The following DOCK6 variants were observed in gnomAD, a reference collection of about 807,000 sequenced individuals.
DOCK6 encodes dedicator of cytokinesis 6.
Under a neutral mutation model 230.3 loss-of-function variants are expected in DOCK6, and 167 were observed. That is an observed-to-expected ratio of 0.73 (90% CI 0.64 to 0.82). The LOEUF is 0.82. Ranked by LOEUF, DOCK6 falls within the 40% of genes least tolerant of loss-of-function variation. The pLI, the probability that DOCK6 is intolerant of heterozygous loss-of-function variation, is 0.00. For synonymous variants in DOCK6, 1,148 were observed against 1,185.0 expected, an observed-to-expected ratio of 0.97 and a Z score of 0.64; for missense variants, 2,598 against 2,825.8, an observed-to-expected ratio of 0.92 and a Z score of 1.83.
chr19:11,246,404 G>A (rs1056829828), intron 7 of DOCK6, among the ~76,000 whole-genome samples: 4 of 151,676 alleles, frequency 2.6e-5, no homozygotes, highest in African/African-American at 4.8e-5. Flanking sequence ...TCACGTCCCC[G>A]GCTTGCTGTG....
intron 1 of DOCK6, among the ~76,000 whole-genome samples, chr19:11,254,975 C>A (rs1202576032): frequency 1.3e-5 from 2 of 152,136 alleles, no homozygotes; most frequent in Non-Finnish European, 2.9e-5. Flanking sequence ...GTGTGTCCCC[C>A]AAAGAGGGCC....
Position 11,243,593 on chromosome 19 carries a change from C to A in DOCK6, c.1222G>T (p.Ala408Ser), listed in dbSNP as rs752950875. Residue 408 changes from alanine to serine, a missense_variant, in exon 11 of 48, where the codon GCT (alanine) becomes TCT (serine). Physicochemically the swap from Ala to Ser is moderately conservative, Grantham distance 99. Transcript: ENST00000294618. The surrounding 1 kb of genome is among the most constrained non-coding windows in gnomAD (Gnocchi z 6.3). The stretch of plus-strand genomic sequence containing the variant: ...TCAGAGTCCCGGTCCAGCTGCCCAG[C>A]GCTGCTCACGATGTTGGCCAAGTGC... The part of the protein sequence containing the change: ...AVHLANIVSS[A>S]GQLDRDSDSE... The A allele has an allele frequency of 1.2e-6, 2 of 1,609,650 alleles. No homozygotes were observed.
Position 11,237,592 on chromosome 19 carries a change from G to T in DOCK6, c.1972-35C>A. 2.5e-6 allele frequency: 4 copies of T among 1,578,726 alleles called. No individual in the cohort carries two copies. In the South Asian group the frequency reaches 3.3e-5, roughly 13 times the overall value. ...GGCTGGAGGTCAGGTCTGCGGCCAG[G>T]TTGGGGGACGAGGAGGGCTCAGGGG... On this transcript the variant is annotated intron_variant, in intron 17 of 47. Transcript: ENST00000294618.
chr19:11,199,340 G>C lies in DOCK6; in HGVS notation c.*157C>G. On this transcript the variant is annotated 3_prime_UTR_variant, in exon 48 of 48. Coordinates refer to ENST00000294618, the MANE Select transcript of DOCK6 (RefSeq NM_020812.4). Reference sequence around the variant, plus strand: ...AAATTAAAAAAGGGAGGAAGCATCAGTGCACACAGATGGGGACACAGGGGC... The same window carrying C: ...AAATTAAAAAAGGGAGGAAGCATCACTGCACACAGATGGGGACACAGGGGC... The C allele has an allele frequency of 1.1e-6, 1 of 869,736 alleles. No individual in the cohort carries two copies. The highest frequency in any genetic ancestry group is 1.8e-6 in the Non-Finnish European group (1 of 549,416). 53.9% of individuals were successfully genotyped at this position (869,736 alleles called of 1,614,324 possible).
chr19:11,239,591 A>G (rs1304195087), intron 14 of DOCK6: 2 of 1,606,340 alleles, frequency 1.2e-6, no homozygotes, highest in East Asian at 4.5e-5. Flanking sequence ...TATGAGGCAT[A>G]AAAGGCTTCA....
chr19:11,237,945 TC>T, intron 16 of DOCK6, 99 bp downstream of exon 16: 1 of 1,452,364 alleles, frequency 6.9e-7, no homozygotes, highest in Middle Eastern at 2.0e-4. Flanking sequence ...CTTCTTCCTG[TC>T]CCCCATCTTC....
At position 11,208,909 on chromosome 19, in the gene DOCK6, A is replaced by G; in HGVS notation, c.4944+2T>C. ...GCCACCTGCCAACCCCTGGCCACTC[A>G]CCTGGAAGGAAACGCAGCCCACGGG... On this transcript the variant is annotated splice_donor_variant, in intron 38 of 47. Transcript: ENST00000294618. LOFTEE classifies it high-confidence loss of function. The G allele has an allele frequency of 6.3e-7, 1 of 1,596,786 alleles. No homozygotes were observed. Among genetic ancestry groups the G allele is most frequent in the Non-Finnish European group, 8.6e-7 (1 of 1,166,244 alleles).
At position 11,202,842 on chromosome 19, in the gene DOCK6, G is replaced by C; in HGVS notation, c.5236-133C>G. Reference sequence around the variant, plus strand: ...GAACATCAGGGCATGGGCACAGGCAGGGGGCCCTGAGAACATTGGGGCATG... The same window carrying C: ...GAACATCAGGGCATGGGCACAGGCACGGGGCCCTGAGAACATTGGGGCATG... On this transcript the variant is annotated intron_variant, in intron 41 of 47. Transcript: ENST00000294618. This position sits in a 1 kb window ranked among gnomAD's most constrained non-coding sequence, Gnocchi z 5.3. The C allele has an allele frequency of 7.0e-7, 1 of 1,434,644 alleles. No individual in the cohort carries two copies. Among genetic ancestry groups the C allele is most frequent in the Non-Finnish European group, 9.6e-7 (1 of 1,039,386 alleles). The allele number at this position is 1,434,644 out of a possible 1,614,324, so 88.9% of individuals were successfully genotyped here.
In DOCK6 at chr19:11,217,128, CATTTTCTCCATGTGAGATGA is replaced by C. The variant is rs373692566; in HGVS notation, c.3712-52_3712-33del. 216 of 1,599,152 alleles carry C rather than the reference CATTTTCTCCATGTGAGATGA, an allele frequency of 1.4e-4. 1 individual carries two copies. The Middle Eastern group carries it at 1.7e-3, about 12-fold the overall frequency. ...CCAGAGAGGAATCAAAGTCAATTTC[CATTTTCTCCATGTGAGATGA>C]ATCCTGGCCAATCTGTATCTTGATA... On this transcript the variant is annotated intron_variant, in intron 29 of 47. Transcript: ENST00000294618.
At chr19:11,248,173 A>C in intron 6 of DOCK6, 22 bp from the exon 7 acceptor site, 6 of 1,134,350 alleles carry the variant, frequency 5.3e-6, no homozygotes, top group African/African-American at 1.5e-5. Context: ...GGGGGGTGGG[A>C]GCTGGGCGGG....
chr19:11,250,904 G>T lies in DOCK6; in HGVS notation c.690C>A (p.Ala230=). The change falls in exon 6 of 48, where the codon GCC becomes GCA. Residue 230 remains alanine, a synonymous_variant. Coordinates refer to ENST00000294618, the MANE Select transcript of DOCK6 (RefSeq NM_020812.4). ...ETLRRQHRPP[A]LLTLYPAPDE... ...CAGGTGCCGGGTAGAGGGTGAGCAG[G>T]GCCGGGGGCCGGTGCTGCCGTCGAA... 6.2e-7 allele frequency: 1 copy of T among 1,604,894 alleles called. No homozygotes were observed. The highest frequency in any genetic ancestry group is 8.5e-7 in the Non-Finnish European group (1 of 1,172,780).
rs867644972 is a variant in DOCK6 at position 11,203,679 on chromosome 19, C to T, written c.5235+402G>A. 66 of 241,442 alleles carry T rather than the reference C, an allele frequency of 2.7e-4. 1 individual carries two copies. Among genetic ancestry groups the T allele is most frequent in the African/African-American group, 1.3e-3 (59 of 44,166 alleles). 15.0% of individuals were successfully genotyped at this position (241,442 alleles called of 1,614,324 possible). Reference sequence around the variant, plus strand: ...CCTGGGGGAGGCTGGAAGCTGGGTACGCAGGGAGAGACAGAGACTAAGAGA... The same window carrying T: ...CCTGGGGGAGGCTGGAAGCTGGGTATGCAGGGAGAGACAGAGACTAAGAGA... On this transcript the variant is annotated intron_variant, in intron 41 of 47. Transcript: ENST00000294618.
chr19:11,222,016 A>G lies in DOCK6; in HGVS notation c.3385T>C (p.Phe1129Leu). ...LALEPEAEGA[F>L]LLHKKAISAV... ...CTGATGGCCTTCTTGTGCAACAGGAATGCCCTATGGGGTAATGAGGTGCTC... is the reference window on the plus strand; with the variant it reads ...CTGATGGCCTTCTTGTGCAACAGGAGTGCCCTATGGGGTAATGAGGTGCTC... The change falls in exon 28 of 48, where the codon TTC (phenylalanine) becomes CTC (leucine). Residue 1129 changes from phenylalanine to leucine, a missense_variant. Coordinates refer to ENST00000294618, the MANE Select transcript of DOCK6 (RefSeq NM_020812.4). The surrounding 1 kb of genome is among the most constrained non-coding windows in gnomAD (Gnocchi z 4.0). 1 of 1,611,122 alleles carries G rather than the reference A, an allele frequency of 6.2e-7. No homozygotes were observed.
In DOCK6 at chr19:11,215,452, A is replaced by G. The variant is rs1444296163; in HGVS notation, c.4041T>C (p.Asn1347=). ...TCTTCCGCCAGCGCACATTCTCCGG[A>G]TTCCCAAACGGGCTCCTCTCTGAGA... ...RRSRERSPFG[N]PENVRWRKSV... Residue 1347 remains asparagine (N), a synonymous_variant, in exon 32 of 48, where the codon AAT becomes AAC. Transcript: ENST00000294618. 1.9e-6 allele frequency: 3 copies of G among 1,612,904 alleles called. No homozygotes were observed. Among genetic ancestry groups the G allele is most frequent in the South Asian group, 1.1e-5 (1 of 91,038 alleles).
Position 11,202,464 on chromosome 19 carries a change from A to C in DOCK6, c.5381T>G (p.Phe1794Cys). ...GATAATCTCAACGACGTCGTCGCCA[A>C]ATCTCTCCGTGTAGAACTCCTGGAG... Reference protein sequence around the residue: ...HRLEEFYTERFGDDVVEIIKD... With the variant: ...HRLEEFYTERCGDDVVEIIKD... Residue 1794 changes from phenylalanine (F) to cysteine (C), a missense_variant, in exon 43 of 48, where the codon TTT becomes TGT. Coordinates refer to ENST00000294618, the MANE Select transcript of DOCK6 (RefSeq NM_020812.4). The surrounding 1 kb of genome is among the most constrained non-coding windows in gnomAD (Gnocchi z 5.3). 1 of 1,613,418 alleles carries C rather than the reference A, an allele frequency of 6.2e-7. No homozygotes were observed. Among genetic ancestry groups the C allele is most frequent in the African/African-American group, 1.3e-5 (1 of 75,024 alleles).
In DOCK6 at chr19:11,243,953, C is replaced by G; in HGVS notation, c.1024-71G>C. On this transcript the variant is annotated intron_variant, in intron 9 of 47. Transcript: ENST00000294618. This position sits in a 1 kb window ranked among gnomAD's most constrained non-coding sequence, Gnocchi z 6.3. ...CTGTTCCCCCGTGCTGGCTCCCCAG[C>G]CTCCTGGACCCCTCATGGGCCCTCG... The G allele has an allele frequency of 6.6e-7, 1 of 1,511,108 alleles. No homozygotes were observed. 93.6% of individuals were successfully genotyped at this position (1,511,108 alleles called of 1,614,324 possible). A position where few individuals can be genotyped will look rare whatever the true frequency, so the allele number is the denominator to read the frequency against.
At chr19:11,203,080 G>A (rs949121578) in intron 41 of DOCK6, among the ~76,000 whole-genome samples, 5 of 152,130 alleles carry the variant, frequency 3.3e-5, no homozygotes, top group African/African-American at 1.2e-4. Flanking sequence ...GTATACAGTA[G>A]GTACCCCATA....
At chr19:11,252,458 G>A (rs2080132729) in intron 4 of DOCK6, 24 bp downstream of exon 4, 1 of 1,613,590 alleles carries the variant, frequency 6.2e-7, no homozygotes, top group Admixed American at 1.7e-5. Flanking sequence ...CGAACCCCCT[G>A]AGCTGCCCCT....
At position 11,208,895 on chromosome 19, in the gene DOCK6, A is replaced by G; in HGVS notation, c.4944+16T>C. The G allele has an allele frequency of 6.3e-7, 1 of 1,596,080 alleles. No homozygotes were observed. Among genetic ancestry groups the G allele is most frequent in the Non-Finnish European group, 8.6e-7 (1 of 1,165,866 alleles). ...CACTCGTGCCGTCCGCCACCTGCCA[A>G]CCCCTGGCCACTCACCTGGAAGGAA... On this transcript the variant is annotated intron_variant, in intron 38 of 47. Transcript: ENST00000294618.
Sources: allele counts gnomAD v4.1 joint callset (sites outside exome capture counted in the v4.1 genomes callset), GRCh38; gene constraint gnomAD v4.1.1; non-coding constraint Gnocchi (gnomAD v3.1); transcripts MANE v1.5; gene names NCBI Gene and HGNC (gene_info 2026-07-23, HGNC 2026-07-21).